Variants in FRYL observed in about 807,000 individuals in gnomAD.
The protein encoded by FRYL is FRY like transcription coactivator, also known as protein furry homolog-like.
Under a neutral mutation model 351.2 loss-of-function variants are expected in FRYL, and 150 were observed. The ratio of observed to expected loss-of-function variants is 0.43; its 90% CI spans 0.37 to 0.49. The LOEUF (loss-of-function observed/expected upper bound fraction) is 0.49. Ranked by LOEUF, FRYL falls within the 20% of genes least tolerant of loss-of-function variation. The probability of loss-of-function intolerance (pLI) is 0.00; values close to 1 mark genes in which losing one functional copy is unlikely to be tolerated. For missense variants in FRYL, 3,036 were observed against 3,619.3 expected, an observed-to-expected ratio of 0.84 and a Z score of 4.13; for synonymous variants, 1,153 against 1,257.1, an observed-to-expected ratio of 0.92 and a Z score of 1.75.
rs1221526187 is a variant in FRYL at position 48,515,074 on chromosome 4, C to G, written c.7891G>C (p.Asp2631His). 1 of 1,612,984 alleles carries G rather than the reference C, an allele frequency of 6.2e-7. No homozygotes were observed. The highest frequency in any genetic ancestry group is 2.2e-5 in the East Asian group (1 of 44,870). ...EDVTLALKEL[D>H]ERCEEEEADF... Reference sequence around the variant, plus strand: ...GCTTCTTCTTCTTCACATCTTTCATCTAGCTCTTTCAGAGCTAAGGTAACA... The same window carrying G: ...GCTTCTTCTTCTTCACATCTTTCATGTAGCTCTTTCAGAGCTAAGGTAACA... Residue 2631 changes from aspartate to histidine, a missense_variant, in exon 56 of 64, where the codon GAT becomes CAT. By Grantham distance (81) the Asp-to-His change is moderately conservative. Coordinates refer to ENST00000358350, the MANE Select transcript of FRYL (RefSeq NM_015030.2).
intron 1 of FRYL, among the ~76,000 whole-genome samples, chr4:48,736,510 G>A (rs182163204): frequency 9.2e-5 from 14 of 152,098 alleles, no homozygotes; most frequent in African/African-American, 2.2e-4. Context: ...AATGAAAGCA[G>A]AGACAATACT....
At chr4:48,507,589 TTACTC>T (rs1403453751) in intron 59 of FRYL, among the ~76,000 whole-genome samples, 2 of 152,106 alleles carry the variant, frequency 1.3e-5, no homozygotes, top group African/African-American at 2.4e-5. Flanking sequence ...GCCCCAGTGC[TTACTC>T]TACTCTAGGT....
intron 8 of FRYL, 74 bp downstream of exon 8, chr4:48,609,670 A>C (rs535326276): frequency 1.5e-6 from 1 of 657,082 alleles, no homozygotes; most frequent in Non-Finnish European, 2.6e-6. Context: ...CAAACAAATG[A>C]TCAGTAAGAC....
In FRYL at chr4:48,570,817, C is replaced by T. The variant is rs772306789; in HGVS notation, c.2996+10G>A. The T allele has an allele frequency of 1.3e-6, 2 of 1,585,068 alleles. No individual in the cohort carries two copies. Among genetic ancestry groups the T allele is most frequent in the South Asian group, 1.1e-5 (1 of 90,438 alleles). On this transcript the variant is annotated intron_variant, in intron 27 of 63. Transcript: ENST00000358350. ...TTCCAGAGTTTTAACAATGTGAATC[C>T]AATACTGACCTGTGACTAATGACAC...
intron 19 of FRYL, among the ~76,000 whole-genome samples, chr4:48,584,158 G>A (rs1165755887): frequency 6.6e-6 from 1 of 152,130 alleles, no homozygotes; most frequent in East Asian, 1.9e-4. Flanking sequence ...TGAATAAAGA[G>A]TTTCTGATTT....
chr4:48,669,984 G>A (rs1483622085), intron 3 of FRYL, among the ~76,000 whole-genome samples: 1 of 151,918 alleles, frequency 6.6e-6, no homozygotes, highest in East Asian at 1.9e-4. Flanking sequence ...GATAGTAGGT[G>A]TATATACACA....
intron 47 of FRYL, among the ~76,000 whole-genome samples, chr4:48,536,028 G>A (rs981043574): frequency 6.6e-6 from 1 of 152,186 alleles, no homozygotes; most frequent in African/African-American, 2.4e-5. Context: ...AATACAGAAA[G>A]AGGATTAATG....
intron 1 of FRYL, among the ~76,000 whole-genome samples, chr4:48,725,128 A>C (rs1769938950): frequency 1.3e-5 from 2 of 152,232 alleles, no homozygotes; most frequent in South Asian, 4.1e-4. Flanking sequence ...CTTCATCTGA[A>C]ACTTCTGAAT....
intron 28 of FRYL, among the ~76,000 whole-genome samples, chr4:48,566,151 G>A (rs1736729607): frequency 6.6e-6 from 1 of 151,728 alleles, no homozygotes; most frequent in Admixed American, 6.6e-5. Flanking sequence ...GCCTTTTCCT[G>A]CTAAAGGAAG....
chr4:48,699,014 A>G lies in FRYL; in HGVS notation c.-204+11505T>C, dbSNP rs77416364. 1.1e-4 allele frequency among the ~76,000 whole-genome samples: 17 copies of G among 152,284 alleles called. No homozygotes were observed. The East Asian group carries it at 2.3e-3, about 21-fold the overall frequency. ...TGTGTGACCATCTAAGATGCTTCAC[A>G]TATGTTACTTCATTTTAACCCAAAC... On this transcript the variant is annotated intron_variant, in intron 2 of 63. Transcript: ENST00000358350.
chr4:48,500,222 T>G lies in FRYL; in HGVS notation c.8593-2A>C. 1 of 1,553,950 alleles carries G rather than the reference T, an allele frequency of 6.4e-7. No homozygotes were observed. The highest frequency in any genetic ancestry group is 2.3e-5 in the Admixed American group (1 of 43,578). On this transcript the variant is annotated splice_acceptor_variant, in intron 62 of 63. Coordinates refer to ENST00000358350, the MANE Select transcript of FRYL (RefSeq NM_015030.2). LOFTEE classifies it high-confidence loss of function. The stretch of plus-strand genomic sequence containing the variant: ...AAGTTCCTCTGACATGTTGATGACC[T>G]AAAACAAATACATCTTTAAGGATCT...
At chr4:48,649,260 T>C (rs562978226) in intron 3 of FRYL, among the ~76,000 whole-genome samples, 251 of 152,252 alleles carry the variant, frequency 1.6e-3, no homozygotes, top group Non-Finnish European at 2.7e-3. Context: ...AAAATCTGAG[T>C]ATTAAAAACA....
intron 58 of FRYL, among the ~76,000 whole-genome samples, chr4:48,510,383 C>CAT (rs1042708415): frequency 2.0e-5 from 3 of 152,152 alleles, no homozygotes; most frequent in Non-Finnish European, 4.4e-5. Context: ...TTTTCAAAGA[C>CAT]GTCATGCCAG....
chr4:48,660,528 C>T (rs1760479412), intron 3 of FRYL, among the ~76,000 whole-genome samples: 2 of 152,214 alleles, frequency 1.3e-5, no homozygotes, highest in Non-Finnish European at 2.9e-5. Flanking sequence ...GGGGTGCCCA[C>T]ATGAATAGCT....
intron 5 of FRYL, among the ~76,000 whole-genome samples, 168 bp downstream of exon 5, chr4:48,622,958 C>A (rs1196061684): frequency 1.3e-5 from 2 of 151,942 alleles, no homozygotes; most frequent in Non-Finnish European, 2.9e-5. Context: ...AAACTAATCA[C>A]AGCTCATTAT....
chr4:48,721,735 G>T (rs1198213339), intron 1 of FRYL, among the ~76,000 whole-genome samples: 1 of 152,060 alleles, frequency 6.6e-6, no homozygotes, highest in Non-Finnish European at 1.5e-5. Flanking sequence ...TGCCTCCCTG[G>T]TTCAAGCAAT....
chr4:48,553,395 G>C lies in FRYL; in HGVS notation c.4267-12C>G. On this transcript the variant is annotated splice_polypyrimidine_tract_variant and intron_variant, in intron 35 of 63. Transcript: ENST00000358350. The stretch of plus-strand genomic sequence containing the variant: ...ATGACCTTCTTCACCTGTCACAAAA[G>C]AAATCGTTCAGAAAAGAAAAAGCAA... 1 of 1,592,882 alleles carries C rather than the reference G, an allele frequency of 6.3e-7. No individual in the cohort carries two copies. The highest frequency in any genetic ancestry group is 1.3e-5 in the African/African-American group (1 of 74,148).
intron 12 of FRYL, among the ~76,000 whole-genome samples, chr4:48,602,336 C>T (rs960592173): frequency 3.3e-5 from 5 of 152,150 alleles, no homozygotes; most frequent in African/African-American, 1.2e-4. Flanking sequence ...GATCATACCT[C>T]TCTGAGTTAG....
rs148964701 is a variant in FRYL, at chr4:48,544,005, T to C, written c.5402-8A>G. On this transcript the variant is annotated splice_polypyrimidine_tract_variant and splice_region_variant and intron_variant, in intron 43 of 63. Coordinates refer to ENST00000358350, the MANE Select transcript of FRYL (RefSeq NM_015030.2). ...GTTCCAGATGAATTCCTTCTGTGAATGCAAAGGAAACGAGTAGGTTGTTCT... is the reference window on the plus strand; with the variant it reads ...GTTCCAGATGAATTCCTTCTGTGAACGCAAAGGAAACGAGTAGGTTGTTCT... 8.6e-5 allele frequency: 138 copies of C among 1,612,450 alleles called. No homozygotes were observed. The African/African-American group carries it at 1.5e-3, about 17-fold the overall frequency.
Sources: gnomAD v4.1 joint callset for allele counts (sites outside exome capture counted in the v4.1 genomes callset) on GRCh38, gnomAD v4.1.1 for gene constraint, MANE v1.5 for transcripts, NCBI Gene and HGNC (gene_info 2026-07-23, HGNC 2026-07-21) for gene names.